FTO: variants seen among roughly 807,000 people sequenced by gnomAD.
The protein encoded by FTO is FTO alpha-ketoglutarate dependent dioxygenase, also known as alpha-ketoglutarate-dependent dioxygenase FTO.
FTO carries 47 observed loss-of-function variants against 63.9 expected under a neutral mutation model. The ratio of observed to expected loss-of-function variants is 0.74; its 90% CI spans 0.58 to 0.94. The LOEUF (loss-of-function observed/expected upper bound fraction) is 0.94, where lower values mean the gene tolerates loss of function less well. Ranked by LOEUF, FTO falls within the 40% of genes least tolerant of loss-of-function variation. The probability of loss-of-function intolerance (pLI) is 0.00; values close to 1 mark genes in which losing one functional copy is unlikely to be tolerated. For missense variants in FTO, 562 were observed against 618.1 expected (o/e 0.91, Z 0.96); for synonymous variants, 207 against 224.4 (o/e 0.92, Z 0.69).
chr16:53,908,142 C>A (rs1482587208), intron 7 of FTO, among the ~76,000 whole-genome samples: 1 of 152,176 alleles, frequency 6.6e-6, no homozygotes. Context: ...CATGCAGTTT[C>A]TTTGTATAGA....
At chr16:53,795,845 G>A (rs2078051381) in intron 1 of FTO, among the ~76,000 whole-genome samples, 1 of 152,066 alleles carries the variant, frequency 6.6e-6, no homozygotes, top group South Asian at 2.1e-4. Context: ...ATGCTAAGGG[G>A]AAGTTATAGT....
intron 8 of FTO, among the ~76,000 whole-genome samples, chr16:54,048,627 G>T (rs1250159213): frequency 6.6e-6 from 1 of 152,178 alleles, no homozygotes; most frequent in Non-Finnish European, 1.5e-5. Context: ...TGGAAACAGG[G>T]ATGCCACGTC....
chr16:53,715,870 G>A (rs1245354195), intron 1 of FTO, among the ~76,000 whole-genome samples: 2 of 152,144 alleles, frequency 1.3e-5, no homozygotes, highest in Admixed American at 1.3e-4. Flanking sequence ...ATTCTCTGTA[G>A]AGTTCATTCA....
Position 54,115,863 on chromosome 16 carries a change from C to G in FTO, c.*3948C>G, listed in dbSNP as rs1269727774. On this transcript the variant is annotated 3_prime_UTR_variant, in exon 9 of 9. Coordinates refer to ENST00000471389, the MANE Select transcript of FTO (RefSeq NM_001080432.3). ...GAGCAAACAGCTTAATCCAAAGGAGCGGCTTTCCAACTGGGAATGTCCCCC... is the reference window on the plus strand; with the variant it reads ...GAGCAAACAGCTTAATCCAAAGGAGGGGCTTTCCAACTGGGAATGTCCCCC... 1.3e-5 allele frequency: 2 copies of G among 152,224 alleles called. No individual in the cohort carries two copies. Among genetic ancestry groups the G allele is most frequent in the Non-Finnish European group, 2.9e-5 (2 of 68,066 alleles). The allele number at this position is 152,224 out of a possible 1,614,324, so 9.4% of individuals were successfully genotyped here.
chr16:53,926,133 AC>A (rs1011148227), intron 7 of FTO, among the ~76,000 whole-genome samples: 6 of 152,060 alleles, frequency 3.9e-5, no homozygotes, highest in Admixed American at 3.9e-4. Flanking sequence ...CCTATACATA[AC>A]CTCATATTAG....
chr16:54,048,631 C>G (rs1247897165), intron 8 of FTO, among the ~76,000 whole-genome samples: 1 of 152,164 alleles, frequency 6.6e-6, no homozygotes, highest in Non-Finnish European at 1.5e-5. Context: ...AACAGGGATG[C>G]CACGTCATTA....
intron 7 of FTO, among the ~76,000 whole-genome samples, chr16:53,918,383 A>G (rs2081933285): frequency 6.6e-6 from 1 of 152,258 alleles, no homozygotes; most frequent in Non-Finnish European, 1.5e-5. Flanking sequence ...CACAATGATA[A>G]GTATTTGTGT....
At chr16:53,786,295 A>G (rs2077737523) in intron 1 of FTO, among the ~76,000 whole-genome samples, 1 of 152,208 alleles carries the variant, frequency 6.6e-6, no homozygotes, top group South Asian at 2.1e-4. Context: ...GCTGTGAGGA[A>G]TACTAGGAGA....
intron 8 of FTO, among the ~76,000 whole-genome samples, chr16:54,014,850 CTTTTTTTTTTT>C (rs149634902): frequency 9.7e-6 from 1 of 102,926 alleles, no homozygotes; most frequent in Non-Finnish European, 1.8e-5. Context: ...CTCTCTCTCT[CTTTTTTTTTTT>C]TTTTTTTTTT....
At chr16:53,973,646 G>A (rs1209540313) in intron 8 of FTO, among the ~76,000 whole-genome samples, 1 of 151,994 alleles carries the variant, frequency 6.6e-6, no homozygotes, top group Non-Finnish European at 1.5e-5. Flanking sequence ...GAAGAGATTT[G>A]GACCGTGTCT....
At chr16:54,106,553 A>G (rs1364203824) in intron 8 of FTO, among the ~76,000 whole-genome samples, 1 of 141,526 alleles carries the variant, frequency 7.1e-6, no homozygotes, top group African/African-American at 2.6e-5. Context: ...ATATAATATT[A>G]GATATAATTA....
intron 1 of FTO, among the ~76,000 whole-genome samples, chr16:53,758,298 C>T (rs147307105): frequency 6.6e-6 from 1 of 152,264 alleles, no homozygotes; most frequent in East Asian, 1.9e-4. Context: ...TTTGAAATCT[C>T]TTTATTTTAA....
At chr16:53,991,940 G>A (rs947574460) in intron 8 of FTO, 2 of 152,134 alleles carry the variant, frequency 1.3e-5, no homozygotes, top group African/African-American at 2.4e-5. Flanking sequence ...ACTGTAGGAT[G>A]GGGAAGAAAA....
intron 1 of FTO, among the ~76,000 whole-genome samples, chr16:53,736,855 C>G (rs994104819): frequency 1.3e-5 from 2 of 152,202 alleles, no homozygotes. Flanking sequence ...CCAGCTCCAT[C>G]TATTTGCTGT....
intron 8 of FTO, among the ~76,000 whole-genome samples, chr16:54,006,800 C>T (rs1356696894): frequency 1.3e-5 from 2 of 152,214 alleles, no homozygotes; most frequent in Non-Finnish European, 2.9e-5. Flanking sequence ...ATTGATGAAA[C>T]TTAATATATG....
chr16:53,937,055 T>C (rs1448791034), intron 8 of FTO, among the ~76,000 whole-genome samples: 1 of 152,202 alleles, frequency 6.6e-6, no homozygotes, highest in Admixed American at 6.5e-5. Context: ...AAGCATATGT[T>C]CCTTGTAATT....
intron 1 of FTO, among the ~76,000 whole-genome samples, chr16:53,730,348 T>C (rs1380250489): frequency 6.6e-6 from 1 of 152,200 alleles, no homozygotes; most frequent in East Asian, 1.9e-4. Flanking sequence ...ATGTGATGTA[T>C]CTTTTTTCAA....
intron 1 of FTO, among the ~76,000 whole-genome samples, chr16:53,759,688 CT>C (rs764966859): frequency 0.31 from 38,015 of 121,412 alleles, 6,516 homozygotes; most frequent in African/African-American, 0.52. Flanking sequence ...AAAAAGACTC[CT>C]TCTCAAAAAA....
At chr16:53,941,301 G>T (rs540669788) in intron 8 of FTO, among the ~76,000 whole-genome samples, 1 of 152,180 alleles carries the variant, frequency 6.6e-6, no homozygotes, top group Non-Finnish European at 1.5e-5. Flanking sequence ...TAATGTGGAG[G>T]TGGTAGTTAA....
Sources: gnomAD v4.1 joint callset for allele counts (sites outside exome capture counted in the v4.1 genomes callset) on GRCh38, gnomAD v4.1.1 for gene constraint, MANE v1.5 for transcripts, NCBI Gene and HGNC (gene_info 2026-07-23, HGNC 2026-07-21) for gene names.